Variants in ERGIC1 observed in about 807,000 individuals in gnomAD.
ERGIC1 encodes the protein endoplasmic reticulum-golgi intermediate compartment 1, also known as endoplasmic reticulum-Golgi intermediate compartment protein 1.
ERGIC1 carries 19 observed loss-of-function variants against 38.3 expected under a neutral mutation model. The observed-to-expected ratio is 0.50, with a 90% CI of 0.35 to 0.73. The LOEUF (loss-of-function observed/expected upper bound fraction) is 0.73, where lower values mean the gene tolerates loss of function less well. Ranked by LOEUF, ERGIC1 falls within the 30% of genes least tolerant of loss-of-function variation. ERGIC1 has a pLI of 0.01. For synonymous variants in ERGIC1, 124 were observed against 157.6 expected, an observed-to-expected ratio of 0.79 and a Z score of 1.60; for missense variants, 294 against 389.2, an observed-to-expected ratio of 0.76 and a Z score of 2.06.
chr5:172,939,016 T>G (rs917036963), intron 9 of ERGIC1, among the ~76,000 whole-genome samples: 6 of 151,406 alleles, frequency 4.0e-5, no homozygotes, highest in Non-Finnish European at 5.9e-5. Context: ...TGAGCCGAGA[T>G]CACGCCACTG....
intron 3 of ERGIC1, among the ~76,000 whole-genome samples, chr5:172,904,425 G>A (rs933104239): frequency 1.3e-5 from 2 of 152,206 alleles, no homozygotes; most frequent in Non-Finnish European, 2.9e-5. Context: ...AGGAAACTGA[G>A]GCTCAGAGAG....
intron 9 of ERGIC1, 24 bp from the exon 10 acceptor site, chr5:172,950,685 C>G: frequency 1.2e-6 from 2 of 1,600,532 alleles, no homozygotes; most frequent in Non-Finnish European, 1.7e-6. Flanking sequence ...CTGACACTCC[C>G]ACCCCACCCC....
intron 7 of ERGIC1, among the ~76,000 whole-genome samples, chr5:172,930,024 T>C (rs1763739891): frequency 6.6e-6 from 1 of 151,848 alleles, no homozygotes. Context: ...CCATCTCTAC[T>C]AAAAATACAA....
intron 1 of ERGIC1, among the ~76,000 whole-genome samples, chr5:172,875,759 T>C (rs1203838205): frequency 6.6e-6 from 1 of 152,158 alleles, no homozygotes; most frequent in East Asian, 1.9e-4. Flanking sequence ...ACCTGACTAA[T>C]TTTTTAATAT....
At chr5:172,927,297 A>G (rs1244983629) in intron 7 of ERGIC1, among the ~76,000 whole-genome samples, 3 of 151,914 alleles carry the variant, frequency 2.0e-5, no homozygotes, top group Admixed American at 1.3e-4. Context: ...TTTAACCCAC[A>G]TCTTTTCTTA....
chr5:172,875,817 C>T (rs531765259), intron 1 of ERGIC1, among the ~76,000 whole-genome samples: 9 of 152,308 alleles, frequency 5.9e-5, no homozygotes, highest in African/African-American at 2.2e-4. Flanking sequence ...CTCCTGAGCT[C>T]AAGAGATTTT....
At chr5:172,871,221 C>T (rs1023876713) in intron 1 of ERGIC1, among the ~76,000 whole-genome samples, 17 of 152,208 alleles carry the variant, frequency 1.1e-4, no homozygotes, top group Admixed American at 3.9e-4. Context: ...GAAAGGGATG[C>T]GTGAGCTGAG....
At chr5:172,898,600 G>C (rs1762789378) in intron 3 of ERGIC1, 1 of 152,240 alleles carries the variant, frequency 6.6e-6, no homozygotes, top group Admixed American at 6.5e-5. Flanking sequence ...ACAAGATAAG[G>C]CATTGGGAGA....
Position 172,854,453 on chromosome 5 carries a change from G to A in ERGIC1, c.20+20020G>A, listed in dbSNP as rs1395643824. On this transcript the variant is annotated intron_variant, in intron 1 of 9. Coordinates refer to ENST00000393784, the MANE Select transcript of ERGIC1 (RefSeq NM_001031711.3). ...TATAAAACATTGATGAGAAAAAAAA[G>A]TATTTCCTGGCTGGGGCCACTGTCT... is the stretch of plus-strand genomic sequence containing the variant. 2.6e-5 allele frequency among the ~76,000 whole-genome samples: 4 copies of A among 152,388 alleles called. No homozygotes were observed. The East Asian group carries it at 5.8e-4, about 22-fold the overall frequency.
chr5:172,834,585 C>CCG lies in ERGIC1; in HGVS notation c.20+153_20+154insGC. ...CCCCTAGGGACCCCAGGCGAGCCCC[C>CCG]CCCCTGCCGCACACGAAGCCAGCCA... On this transcript the variant is annotated intron_variant, in intron 1 of 9. Coordinates refer to ENST00000393784, the MANE Select transcript of ERGIC1 (RefSeq NM_001031711.3). The surrounding 1 kb of genome is among the most constrained non-coding windows in gnomAD (Gnocchi z 4.1). 9 of 710,618 alleles carry CCG rather than the reference C, an allele frequency of 1.3e-5. No individual in the cohort carries two copies. The highest frequency in any genetic ancestry group is 1.7e-5 in the Non-Finnish European group (9 of 531,200). The allele number at this position is 710,618 out of a possible 1,614,324, so 44.0% of individuals were successfully genotyped here. A position where few individuals can be genotyped will look rare whatever the true frequency, so the allele number is the denominator to read the frequency against.
chr5:172,855,853 T>TGG, intron 1 of ERGIC1, among the ~76,000 whole-genome samples: 1 of 152,350 alleles, frequency 6.6e-6, no homozygotes, highest in South Asian at 2.1e-4. Flanking sequence ...ACTCAGCCTG[T>TGG]GCTTCAGAGG....
chr5:172,928,040 T>A (rs1763695571), intron 7 of ERGIC1, among the ~76,000 whole-genome samples: 1 of 152,114 alleles, frequency 6.6e-6, no homozygotes, highest in African/African-American at 2.4e-5. Flanking sequence ...AATGTCTGGT[T>A]GTAATAGAGG....
At chr5:172,938,659 G>A (rs563129852) in intron 9 of ERGIC1, among the ~76,000 whole-genome samples, 11 of 152,040 alleles carry the variant, frequency 7.2e-5, no homozygotes, top group East Asian at 5.8e-4. Flanking sequence ...GGCTGAGGCC[G>A]GAGAATCCCT....
chr5:172,847,704 G>A (rs926361118), intron 1 of ERGIC1, among the ~76,000 whole-genome samples: 28 of 152,226 alleles, frequency 1.8e-4, no homozygotes, highest in Middle Eastern at 6.8e-3. Flanking sequence ...TAGTAGAGAC[G>A]GGGTTTCGCC....
intron 1 of ERGIC1, among the ~76,000 whole-genome samples, chr5:172,847,248 G>A (rs1323175278): frequency 1.3e-5 from 2 of 152,096 alleles, no homozygotes; most frequent in Non-Finnish European, 2.9e-5. Context: ...TTGGGTGGCA[G>A]GTCAAGATGT....
At chr5:172,897,695 C>T in intron 3 of ERGIC1, 1 of 411,314 alleles carries the variant, frequency 2.4e-6, no homozygotes, top group Non-Finnish European at 4.4e-6. Context: ...GGCTTTTTTT[C>T]CCTCTGAATC....
At position 172,902,455 on chromosome 5, in the gene ERGIC1, C is replaced by CT. The variant is rs1430962953; in HGVS notation, c.155+5382dup. Among the ~76,000 whole-genome samples the CT allele has an allele frequency of 7.9e-5, 12 of 152,308 alleles. No individual in the cohort carries two copies. The East Asian group carries it at 2.3e-3, about 29-fold the overall frequency. On this transcript the variant is annotated intron_variant, in intron 3 of 9. Transcript: ENST00000393784. ...TTAGCAATAGGAGGCCTGAGGGCGT[C>CT]TGAGTGTGGAGTGACGGGTTTATGT...
intron 3 of ERGIC1, among the ~76,000 whole-genome samples, chr5:172,902,394 C>T (rs927578259): frequency 6.6e-6 from 1 of 152,202 alleles, no homozygotes; most frequent in African/African-American, 2.4e-5. Flanking sequence ...TAGAGGGCCC[C>T]AGGCATCCCA....
intron 7 of ERGIC1, chr5:172,927,088 G>A (rs903601726): frequency 6.2e-6 from 1 of 162,486 alleles, no homozygotes; most frequent in African/African-American, 2.4e-5. Flanking sequence ...CCTTGGCCCA[G>A]ATCAAAGAGA....
Sources: allele counts gnomAD v4.1 joint callset (sites outside exome capture counted in the v4.1 genomes callset), GRCh38; gene constraint gnomAD v4.1.1; non-coding constraint Gnocchi (gnomAD v3.1); transcripts MANE v1.5; gene names NCBI Gene and HGNC (gene_info 2026-07-23, HGNC 2026-07-21).